Variants in GALNT2 observed in about 807,000 individuals in gnomAD.
GALNT2 encodes the protein polypeptide N-acetylgalactosaminyltransferase 2, also known as UDP-GalNAc:polypeptide N-acetylgalactosaminyltransferase 2.
A neutral mutation model predicts 81.4 loss-of-function variants in GALNT2; 31 were observed. The ratio of observed to expected loss-of-function variants is 0.38; its 90% CI spans 0.29 to 0.51. The LOEUF (loss-of-function observed/expected upper bound fraction) is 0.51, where lower values mean the gene tolerates loss of function less well. Ranked by LOEUF, GALNT2 falls within the 20% of genes least tolerant of loss-of-function variation. The pLI is 0.87. For synonymous variants in GALNT2, 303 were observed against 287.4 expected (o/e 1.05, Z -0.55); for missense variants, 629 against 765.7 (o/e 0.82, Z 2.11).
At chr1:230,248,879 C>A (rs16851207) in intron 8 of GALNT2, among the ~76,000 whole-genome samples, 2,519 of 152,228 alleles carry the variant, frequency 0.017, 67 homozygotes, top group African/African-American at 0.058. Flanking sequence ...ACACAGACCC[C>A]AGTTCTCTCC....
chr1:230,080,383 G>A (rs1659690488), intron 1 of GALNT2, among the ~76,000 whole-genome samples: 1 of 152,198 alleles, frequency 6.6e-6, no homozygotes, highest in South Asian at 2.1e-4. Context: ...CCAGGGAGCA[G>A]GCCTTGACAT....
At chr1:230,256,322 T>TATA (rs1379462742) in intron 11 of GALNT2, among the ~76,000 whole-genome samples, 1 of 152,088 alleles carries the variant, frequency 6.6e-6, no homozygotes, top group Non-Finnish European at 1.5e-5. Context: ...GGCAGGCGCC[T>TATA]ATAATCCCAG....
At chr1:230,225,847 C>T (rs574813938) in intron 3 of GALNT2, among the ~76,000 whole-genome samples, 26 of 152,286 alleles carry the variant, frequency 1.7e-4, no homozygotes, top group African/African-American at 5.8e-4. Context: ...TAAGAGCAAC[C>T]TGTATAAGCC....
intron 1 of GALNT2, among the ~76,000 whole-genome samples, chr1:230,072,527 AAC>A (rs770642798): frequency 1.3e-5 from 2 of 152,114 alleles, no homozygotes; most frequent in Non-Finnish European, 2.9e-5. Context: ...GTGATGAGAA[AAC>A]ACACAAACCT....
At chr1:230,138,936 A>G (rs1332398668) in intron 1 of GALNT2, among the ~76,000 whole-genome samples, 1 of 152,092 alleles carries the variant, frequency 6.6e-6, no homozygotes, top group African/African-American at 2.4e-5. Context: ...CCTGTATCTC[A>G]TGCTGACCTC....
In GALNT2 at chr1:230,105,712, C is replaced by T. The variant is rs113537315; in HGVS notation, c.126+38306C>T. Reference sequence around the variant, plus strand: ...TGTCTCACTGTGGGGCTTCAGAGAACGTGAGCACCTGTGTTTGCATTCTCC... The same window carrying T: ...TGTCTCACTGTGGGGCTTCAGAGAATGTGAGCACCTGTGTTTGCATTCTCC... On this transcript the variant is annotated intron_variant, in intron 1 of 15. Coordinates refer to ENST00000366672, the MANE Select transcript of GALNT2 (RefSeq NM_004481.5). Among the ~76,000 whole-genome samples, 227 of 152,274 alleles carry T rather than the reference C, an allele frequency of 1.5e-3. 2 individuals carry two copies. The highest frequency in any genetic ancestry group is 4.8e-3 in the African/African-American group (201 of 41,556).
intron 15 of GALNT2, 70 bp downstream of exon 15, chr1:230,274,634 T>G: frequency 1.3e-6 from 2 of 1,590,208 alleles, no homozygotes; most frequent in Non-Finnish European, 1.7e-6. Flanking sequence ...CTGCGCCCTC[T>G]TGCTCTGTGC....
chr1:230,103,336 G>A (rs1412867453), intron 1 of GALNT2, among the ~76,000 whole-genome samples: 1 of 152,122 alleles, frequency 6.6e-6, no homozygotes, highest in Non-Finnish European at 1.5e-5. Context: ...AATATACTTT[G>A]TATCCATGAG....
At chr1:230,239,667 T>C (rs1316033450) in intron 6 of GALNT2, among the ~76,000 whole-genome samples, 2 of 152,252 alleles carry the variant, frequency 1.3e-5, no homozygotes, top group Admixed American at 6.5e-5. Flanking sequence ...GCGTAATCAT[T>C]GGTGTGACTA....
In GALNT2 at chr1:230,275,756, A is replaced by G. The variant is rs564319405; in HGVS notation, c.1560+1192A>G. Among the ~76,000 whole-genome samples the G allele has an allele frequency of 3.3e-5, 5 of 149,936 alleles. No individual in the cohort carries two copies. Among genetic ancestry groups the G allele is most frequent in the African/African-American group, 1.3e-4 (5 of 39,706 alleles). On this transcript the variant is annotated intron_variant, in intron 15 of 15. Coordinates refer to ENST00000366672, the MANE Select transcript of GALNT2 (RefSeq NM_004481.5). The surrounding 1 kb of genome is among the most constrained non-coding windows in gnomAD (Gnocchi z 5.5). ...ATATATACAAACACCACATATATAT[A>G]CATATATACATACACCACAGATATA...
At chr1:230,256,568 G>A (rs1037716866) in intron 11 of GALNT2, among the ~76,000 whole-genome samples, 1 of 152,104 alleles carries the variant, frequency 6.6e-6, no homozygotes, top group African/African-American at 2.4e-5. Context: ...TGTACTAATT[G>A]TGTATACCAC....
intron 2 of GALNT2, among the ~76,000 whole-genome samples, chr1:230,189,997 T>C (rs1663464524): frequency 6.6e-6 from 1 of 152,216 alleles, no homozygotes; most frequent in African/African-American, 2.4e-5. Context: ...CCATGTGCCC[T>C]GTGATACATG....
intron 13 of GALNT2, chr1:230,264,972 C>CA (rs67239229): frequency 0.029 from 4,857 of 169,766 alleles, 14 homozygotes; most frequent in Middle Eastern, 0.06. Context: ...CCTTCCTTTC[C>CA]AAAAAAAAAA....
intron 14 of GALNT2, chr1:230,268,243 A>G (rs1434060734): frequency 6.6e-6 from 1 of 152,212 alleles, no homozygotes; most frequent in Non-Finnish European, 1.5e-5. Flanking sequence ...CACAGCATTA[A>G]TGCAGATTTC....
intron 1 of GALNT2, among the ~76,000 whole-genome samples, chr1:230,090,346 C>G (rs370396155): frequency 2.6e-5 from 4 of 152,244 alleles, no homozygotes; most frequent in Middle Eastern, 3.4e-3. Flanking sequence ...TAAACATAAC[C>G]GTGTCTTCCA....
At chr1:230,164,637 G>A (rs750973131) in intron 1 of GALNT2, among the ~76,000 whole-genome samples, 5 of 151,938 alleles carry the variant, frequency 3.3e-5, no homozygotes, top group East Asian at 1.9e-4. Flanking sequence ...AGGTTCAAGC[G>A]ATTCTTCTCC....
chr1:230,221,513 A>AGCCT (rs1339844394), intron 3 of GALNT2, among the ~76,000 whole-genome samples: 2 of 152,206 alleles, frequency 1.3e-5, no homozygotes, highest in Non-Finnish European at 2.9e-5. Flanking sequence ...GTGGCCAGCC[A>AGCCT]GCCTGCCTGC....
chr1:230,278,684 C>T (rs1558175981), intron 15 of GALNT2, among the ~76,000 whole-genome samples: 1 of 152,206 alleles, frequency 6.6e-6, no homozygotes, highest in Non-Finnish European at 1.5e-5. Context: ...TTCTCATATC[C>T]ACCAAGGAGC....
chr1:230,105,057 G>C (rs1368308581), intron 1 of GALNT2, among the ~76,000 whole-genome samples: 1 of 152,236 alleles, frequency 6.6e-6, no homozygotes, highest in African/African-American at 2.4e-5. Flanking sequence ...CTTCCTGTAA[G>C]GAGCGTACTG....
Sources: gnomAD v4.1 joint callset for allele counts (sites outside exome capture counted in the v4.1 genomes callset) on GRCh38, gnomAD v4.1.1 for gene constraint, Gnocchi (gnomAD v3.1) non-coding constraint, MANE v1.5 for transcripts, NCBI Gene and HGNC (gene_info 2026-07-23, HGNC 2026-07-21) for gene names.